Variants in TELO2 observed in about 807,000 individuals in gnomAD.
TELO2 encodes the protein telomere length regulation protein TEL2 homolog.
A neutral mutation model predicts 91.0 loss-of-function variants in TELO2; 71 were observed. The observed-to-expected ratio is 0.78, with a 90% CI of 0.64 to 0.95. The LOEUF is 0.95. TELO2 is among the 40% of genes least tolerant of loss of function. The pLI is 0.00. For missense variants in TELO2, 1,183 were observed against 1,141.3 expected (o/e 1.04, Z -0.53); for synonymous variants, 584 against 518.9 (o/e 1.13, Z -1.71).
intron 20 of TELO2, among the ~76,000 whole-genome samples, chr16:1,509,451 C>A (rs532419603): frequency 6.6e-6 from 1 of 152,346 alleles, no homozygotes; most frequent in East Asian, 1.9e-4. Flanking sequence ...GAGGCCTCCC[C>A]ACAGGCGGGT....
chr16:1,500,280 G>A, intron 7 of TELO2, 67 bp from the exon 8 acceptor site: 1 of 1,534,652 alleles, frequency 6.5e-7, no homozygotes, highest in African/African-American at 1.4e-5. Context: ...CCCTCAGAGT[G>A]GCTGTGGGCC....
chr16:1,495,229 C>T (rs2039435253), intron 2 of TELO2, 117 bp from the exon 3 acceptor site: 2 of 1,383,678 alleles, frequency 1.4e-6, no homozygotes, highest in South Asian at 1.5e-5. Flanking sequence ...TTTTGGACTT[C>T]ACGCTGGTTA....
chr16:1,501,573 G>C, intron 10 of TELO2, 74 bp downstream of exon 10: 2 of 1,565,278 alleles, frequency 1.3e-6, no homozygotes, highest in Middle Eastern at 1.7e-4. Context: ...CGGGATGGGA[G>C]GGGGGAAACC....
At chr16:1,506,927 C>T in intron 17 of TELO2, 25 bp from the exon 18 acceptor site, 2 of 1,590,636 alleles carry the variant, frequency 1.3e-6, no homozygotes, top group Non-Finnish European at 1.7e-6. Context: ...ACCCGCTGCA[C>T]CTTGGGCTCC....
At position 1,495,528 on chromosome 16, in the gene TELO2, A is replaced by G. The variant is rs1289408930; in HGVS notation, c.518A>G (p.Gln173Arg). 1 of 1,611,710 alleles carries G rather than the reference A, an allele frequency of 6.2e-7. No individual in the cohort carries two copies. The highest frequency in any genetic ancestry group is 1.7e-5 in the Admixed American group (1 of 60,024). The stretch of plus-strand genomic sequence containing the variant: ...GATCACCTGGGCAACCGCCTGCAGC[A>G]GGAGAACTTGGCCGAGTTCTTCCCC... ...LPDHLGNRLQ[Q>R]ENLAEFFPQN... is the part of the protein sequence containing the mutation. Residue 173 changes from glutamine (Q) to arginine (R), a missense_variant, in exon 3 of 21, where the codon CAG (glutamine) becomes CGG (arginine). By Grantham distance (43) the Gln-to-Arg change is conservative. Transcript: ENST00000262319.
In TELO2 at chr16:1,503,002, T is replaced by G; in HGVS notation, c.1842T>G (p.Asp614Glu). ...TCCGGCAGCGCATGGACATCCTGGATGTAAGTGCCTCCTGGGCCTCAGTCC... is the reference window on the plus strand; with the variant it reads ...TCCGGCAGCGCATGGACATCCTGGAGGTAAGTGCCTCCTGGGCCTCAGTCC... ...YSLRQRMDIL[D>E]VLTLAAQELS... The change falls in exon 15 of 21, where the codon GAT becomes GAG. Residue 614 changes from aspartate (D) to glutamate (E), a missense_variant and splice_region_variant. Transcript: ENST00000262319. 1 of 1,609,952 alleles carries G rather than the reference T, an allele frequency of 6.2e-7. No homozygotes were observed. Among genetic ancestry groups the G allele is most frequent in the Non-Finnish European group, 8.5e-7 (1 of 1,179,958 alleles).
chr16:1,494,658 G>T lies in TELO2; in HGVS notation c.335+42G>T. ...CATCCTGGGGTTGCCGGTAGCCTCA[G>T]AAGTGATGAGAGTGGCTTGAAGGAC... is the stretch of plus-strand genomic sequence containing the variant. On this transcript the variant is annotated intron_variant, in intron 2 of 20. Coordinates refer to ENST00000262319, the MANE Select transcript of TELO2 (RefSeq NM_016111.4). This position sits in a 1 kb window ranked among gnomAD's most constrained non-coding sequence, Gnocchi z 5.6. 6.4e-7 allele frequency: 1 copy of T among 1,567,360 alleles called. No individual in the cohort carries two copies.
chr16:1,504,433 C>CA (rs1197074771), intron 15 of TELO2, among the ~76,000 whole-genome samples: 559 of 26,484 alleles, frequency 0.021, 20 homozygotes, highest in Non-Finnish European at 0.026. Context: ...GACTCCATCT[C>CA]AAAAAAAAAA....
rs575606820 is a variant in TELO2, at chr16:1,502,876, G to A, written c.1771-55G>A. On this transcript the variant is annotated intron_variant, in intron 14 of 20. Coordinates refer to ENST00000262319, the MANE Select transcript of TELO2 (RefSeq NM_016111.4). ...GCTGGCTGTGAGGTGCCCGGAGGTC[G>A]CCCCGGGTGGCCCTCAGGTCCCGGA... 1.3e-4 allele frequency: 205 copies of A among 1,604,308 alleles called. 2 individuals are homozygous for A. The South Asian group carries it at 1.4e-3, about 11-fold the overall frequency.
intron 17 of TELO2, chr16:1,506,543 T>TC: frequency 7.0e-7 from 1 of 1,430,874 alleles, no homozygotes; most frequent in Non-Finnish European, 9.1e-7. Flanking sequence ...AGGCATCTGC[T>TC]CCGATGCTGG....
chr16:1,494,267 G>C lies in TELO2; in HGVS notation c.-15G>C. 2 of 1,605,316 alleles carry C rather than the reference G, an allele frequency of 1.2e-6. No homozygotes were observed. Among genetic ancestry groups the C allele is most frequent in the South Asian group, 1.1e-5 (1 of 90,978 alleles). On this transcript the variant is annotated 5_prime_UTR_variant, in exon 2 of 21. Coordinates refer to ENST00000262319, the MANE Select transcript of TELO2 (RefSeq NM_016111.4). The surrounding 1 kb of genome is among the most constrained non-coding windows in gnomAD (Gnocchi z 5.6). Reference sequence around the variant, plus strand: ...ACAGGTCGTCTTCCCGTGACGCCCAGATCTGTCCTGCAGGATGGAGCCAGC... The same window carrying C: ...ACAGGTCGTCTTCCCGTGACGCCCACATCTGTCCTGCAGGATGGAGCCAGC...
At position 1,497,879 on chromosome 16, in the gene TELO2, A is replaced by AGG. The variant is rs1265923554; in HGVS notation, c.830+372_830+373dup. On this transcript the variant is annotated intron_variant, in intron 5 of 20. Coordinates refer to ENST00000262319, the MANE Select transcript of TELO2 (RefSeq NM_016111.4). The surrounding 1 kb of genome is among the most constrained non-coding windows in gnomAD (Gnocchi z 4.0). ...CCCACGTCTTTGTGCAGGAGAATCA[A>AGG]GGTTGCATTTCTGGAAGCAGGACTG... 1.3e-5 allele frequency among the ~76,000 whole-genome samples: 2 copies of AGG among 152,098 alleles called. No individual in the cohort carries two copies. The highest frequency in any genetic ancestry group is 2.1e-4 in the South Asian group (1 of 4,826).
chr16:1,508,819 C>T (rs2040006048), intron 20 of TELO2, among the ~76,000 whole-genome samples: 1 of 152,186 alleles, frequency 6.6e-6, no homozygotes, highest in Admixed American at 6.5e-5. Flanking sequence ...AGGCCCAGCT[C>T]TGCCCTGTCC....
At chr16:1,501,850 C>G in intron 11 of TELO2, 77 bp downstream of exon 11, 2 of 1,502,220 alleles carry the variant, frequency 1.3e-6, no homozygotes, top group Non-Finnish European at 1.8e-6. Flanking sequence ...GCTGCGGCCC[C>G]GTGGGGGGCT....
intron 20 of TELO2, 76 bp downstream of exon 20, chr16:1,507,792 G>T (rs1427174861): frequency 1.8e-6 from 1 of 569,110 alleles, no homozygotes; most frequent in East Asian, 7.9e-5. Flanking sequence ...GTGTGTGTGT[G>T]AGAGATGTGT....
rs749155728 is a variant in TELO2 at position 1,509,830 on chromosome 16, A to G, written c.2408A>G (p.Asp803Gly). 7 of 1,610,840 alleles carry G rather than the reference A, an allele frequency of 4.3e-6. No homozygotes were observed. The South Asian group carries it at 7.7e-5, about 18-fold the overall frequency. ...ELLEARSWLA[D>G]VAEKDPDEDC... ...TTTGCTTGTCACTCTCGTCTGGCAG[A>G]CGTGGCTGAGAAAGACCCGGACGAG... Residue 803 changes from aspartate to glycine, a missense_variant and splice_region_variant, in exon 21 of 21, where the codon GAC becomes GGC. Transcript: ENST00000262319.
chr16:1,495,749 G>GGGAT, intron 3 of TELO2, 126 bp downstream of exon 3: 2 of 1,339,000 alleles, frequency 1.5e-6, no homozygotes, highest in South Asian at 2.9e-5. Context: ...CAGGCAGGTG[G>GGGAT]GGATGTCCCT....
Position 1,502,023 on chromosome 16 carries a change from C to T in TELO2, c.1473-24C>T, listed in dbSNP as rs530614899. The T allele has an allele frequency of 4.3e-6, 7 of 1,613,210 alleles. No homozygotes were observed. In the East Asian group the frequency reaches 1.3e-4, roughly 31 times the overall value. On this transcript the variant is annotated intron_variant, in intron 11 of 20. Transcript: ENST00000262319. ...TTCCTGTCACAGGCCATGGGCTGCT[C>T]ATGTCTGCTTTGCTCTCCCACAGCG...
rs1457907580 is a variant in TELO2 at position 1,507,682 on chromosome 16, G to A, written c.2373G>A (p.Met791Ile). 2 of 1,604,308 alleles carry A rather than the reference G, an allele frequency of 1.2e-6. No individual in the cohort carries two copies. The highest frequency in any genetic ancestry group is 2.2e-5 in the South Asian group (2 of 90,830). The change falls in exon 20 of 21, where the codon ATG becomes ATA. Residue 791 changes from methionine to isoleucine, a missense_variant. Physicochemically the swap from Met to Ile is conservative, Grantham distance 10 (BLOSUM62 1). Transcript: ENST00000262319. ...LPAARLLEDLMDELLEARSWL... is the reference protein window; with the variant it reads ...LPAARLLEDLIDELLEARSWL... ...CTGCGCGCCTGCTGGAGGACCTGAT[G>A]GACGAGCTGCTGGAAGCCCGGTCCT...
Sources: gnomAD v4.1 joint callset for allele counts (sites outside exome capture counted in the v4.1 genomes callset) on GRCh38, gnomAD v4.1.1 for gene constraint, Gnocchi (gnomAD v3.1) non-coding constraint, MANE v1.5 for transcripts, NCBI Gene and HGNC (gene_info 2026-07-23, HGNC 2026-07-21) for gene names.